Variants in FCRL5 observed in about 807,000 individuals in gnomAD.
FCRL5 encodes the protein Fc receptor like 5.
In FCRL5, 79 loss-of-function variants were observed where a neutral mutation model predicts 92.1. That is an observed-to-expected ratio of 0.86 (90% CI 0.72 to 1.03). The LOEUF (loss-of-function observed/expected upper bound fraction) is 1.03. Ranked by LOEUF, FCRL5 falls within the 50% of genes least tolerant of loss-of-function variation. FCRL5 has a pLI of 0.00. For synonymous variants in FCRL5, 466 were observed against 469.3 expected (o/e 0.99, Z 0.09); for missense variants, 1,160 against 1,181.1 (o/e 0.98, Z 0.26).
intron 11 of FCRL5, among the ~76,000 whole-genome samples, 189 bp from the exon 12 acceptor site, chr1:157,520,736 G>T (rs940021525): frequency 6.6e-6 from 1 of 152,252 alleles, no homozygotes; most frequent in African/African-American, 2.4e-5. Flanking sequence ...CCTGAGACAA[G>T]TGTCCAGGGT....
intron 7 of FCRL5, among the ~76,000 whole-genome samples, chr1:157,537,962 A>G (rs979920930): frequency 7.9e-5 from 12 of 152,208 alleles, no homozygotes; most frequent in Non-Finnish European, 1.3e-4. Flanking sequence ...TGCATTTGCT[A>G]TTAGCCCCTG....
chr1:157,533,320 A>G (rs1650782495), intron 8 of FCRL5: 1 of 152,172 alleles, frequency 6.6e-6, no homozygotes, highest in African/African-American at 2.4e-5. Flanking sequence ...TGATTTCCAT[A>G]TTATAATTTT....
At chr1:157,547,631 T>C (rs1651620744) in intron 2 of FCRL5, among the ~76,000 whole-genome samples, 1 of 152,214 alleles carries the variant, frequency 6.6e-6, no homozygotes. Context: ...CCTTGAGAGC[T>C]CAACTTACCT....
chr1:157,517,369 C>T (rs754299324), intron 15 of FCRL5, among the ~76,000 whole-genome samples: 1 of 152,174 alleles, frequency 6.6e-6, no homozygotes, highest in Non-Finnish European at 1.5e-5. Flanking sequence ...TTGCTGCAAC[C>T]TGTGACTATA....
In FCRL5 at chr1:157,518,692, G is replaced by C. The variant is rs1171637447; in HGVS notation, c.2743+8C>G. 2 of 1,608,296 alleles carry C rather than the reference G, an allele frequency of 1.2e-6. No individual in the cohort carries two copies. The highest frequency in any genetic ancestry group is 1.7e-6 in the Non-Finnish European group (2 of 1,177,774). On this transcript the variant is annotated splice_region_variant and intron_variant, in intron 14 of 16. Transcript: ENST00000361835. ...GCTTCTGCCAAATGCAGGATCCTCG[G>C]GCCTCACCATTAGTGTACACTGGTT...
chr1:157,549,537 G>T, intron 2 of FCRL5, 23 bp downstream of exon 2: 1 of 1,608,068 alleles, frequency 6.2e-7, no homozygotes, highest in South Asian at 1.1e-5. Context: ...AGACGCTGAA[G>T]AGCCAAAGAC....
chr1:157,550,665 T>A (rs1464330051), intron 1 of FCRL5, among the ~76,000 whole-genome samples: 1 of 152,216 alleles, frequency 6.6e-6, no homozygotes, highest in African/African-American at 2.4e-5. Context: ...CCAGGACCTA[T>A]AACGGTGAAT....
chr1:157,544,698 C>A lies in FCRL5; in HGVS notation c.559+133G>T, dbSNP rs958023208. The A allele has an allele frequency of 4.2e-6, 6 of 1,427,296 alleles. No homozygotes were observed. The Admixed American group carries it at 9.8e-5, about 23-fold the overall frequency. 88.4% of individuals were successfully genotyped at this position (1,427,296 alleles called of 1,614,324 possible). ...TTCAGCCCAAAACACTACTATACTT[C>A]CTCTGCTCCTTGCAGGAATGTGTCC... On this transcript the variant is annotated intron_variant, in intron 4 of 16. Transcript: ENST00000361835.
chr1:157,524,664 T>C (rs1650354279), intron 9 of FCRL5, 107 bp from the exon 10 acceptor site: 1 of 1,248,112 alleles, frequency 8.0e-7, no homozygotes, highest in Non-Finnish European at 1.1e-6. Context: ...TTAATGCCCT[T>C]GTGACATTAC....
In FCRL5 at chr1:157,515,884, A is replaced by G. The variant is rs1351024518; in HGVS notation, c.2813-11T>C. 5 of 1,613,542 alleles carry G rather than the reference A, an allele frequency of 3.1e-6. No homozygotes were observed. In the Admixed American group the frequency reaches 8.3e-5, roughly 27 times the overall value. ...TGGGGTCAGAGGCCACTGTGGAAAG[A>G]GGAAAGTGTTCAGTTGTGGAAGACT... is the stretch of plus-strand genomic sequence containing the variant. On this transcript the variant is annotated splice_polypyrimidine_tract_variant and intron_variant, in intron 15 of 16. Coordinates refer to ENST00000361835, the MANE Select transcript of FCRL5 (RefSeq NM_031281.3).
chr1:157,536,324 A>G (rs1650969797), intron 7 of FCRL5, among the ~76,000 whole-genome samples: 1 of 152,060 alleles, frequency 6.6e-6, no homozygotes, highest in South Asian at 2.1e-4. Flanking sequence ...AACATGTTCT[A>G]CCCTTGGTGA....
chr1:157,515,756 A>C lies in FCRL5; in HGVS notation c.2853T>G (p.Pro951=). ...DPRHLRNKGS[P]IIYSEVKVAS... ...CCACCTTAACTTCAGAGTAGATGAT[A>C]GGGGAACCCTAGGAGGCAAGAGCAC... Residue 951 remains proline (P), a synonymous_variant, in exon 17 of 17, where the codon CCT becomes CCG. Coordinates refer to ENST00000361835, the MANE Select transcript of FCRL5 (RefSeq NM_031281.3). The C allele has an allele frequency of 1.3e-6, 2 of 1,585,984 alleles. No individual in the cohort carries two copies. The highest frequency in any genetic ancestry group is 1.7e-6 in the Non-Finnish European group (2 of 1,163,908).
At position 157,531,791 on chromosome 1, in the gene FCRL5, C is replaced by T. The variant is rs560945226; in HGVS notation, c.1681+2823G>A. Among the ~76,000 whole-genome samples, 9 of 152,050 alleles carry T rather than the reference C, an allele frequency of 5.9e-5. No homozygotes were observed. In the South Asian group the frequency reaches 1.0e-3, roughly 18 times the overall value. ...AAATACAAAGTTGATACTATAGAAG[C>T]AGAGAATAGAACTGTGGTTATCAGA... On this transcript the variant is annotated intron_variant, in intron 8 of 16. Coordinates refer to ENST00000361835, the MANE Select transcript of FCRL5 (RefSeq NM_031281.3).
intron 8 of FCRL5, chr1:157,534,332 A>C (rs1558134322): frequency 5.6e-6 from 4 of 708,962 alleles, no homozygotes; most frequent in Admixed American, 4.0e-5. Flanking sequence ...TCCGTGCATC[A>C]AGAAAAATTG....
intron 7 of FCRL5, among the ~76,000 whole-genome samples, chr1:157,536,098 C>T (rs1318448881): frequency 6.6e-6 from 1 of 152,022 alleles, no homozygotes; most frequent in Non-Finnish European, 1.5e-5. Context: ...ACCGCCACCA[C>T]ACCTGGCTAA....
intron 8 of FCRL5, among the ~76,000 whole-genome samples, chr1:157,529,009 C>T (rs1402917027): frequency 2.6e-5 from 4 of 152,168 alleles, no homozygotes; most frequent in Admixed American, 6.5e-5. Context: ...AAATAATCAG[C>T]AGAGTAAACA....
At chr1:157,518,871 G>C (rs547777677) in intron 13 of FCRL5, 89 bp from the exon 14 acceptor site, 23 of 1,052,258 alleles carry the variant, frequency 2.2e-5, no homozygotes, top group African/African-American at 8.0e-5. Context: ...CTTACTGCAG[G>C]GTGGCTGCCA....
chr1:157,534,126 A>T (rs757326261), intron 8 of FCRL5: 2 of 331,300 alleles, frequency 6.0e-6, no homozygotes, highest in Non-Finnish European at 1.2e-5. Flanking sequence ...AAAACAAGGG[A>T]TCATAAAAAC....
chr1:157,515,509 C>T lies in FCRL5; in HGVS notation c.*166G>A, dbSNP rs1571068320. The stretch of plus-strand genomic sequence containing the variant: ...TTTAACTGGGAAACAGGTGACAGTC[C>T]AGCAGGGCCCTGCATTCTGGTCAGA... On this transcript the variant is annotated 3_prime_UTR_variant, in exon 17 of 17. Coordinates refer to ENST00000361835, the MANE Select transcript of FCRL5 (RefSeq NM_031281.3). The T allele has an allele frequency of 6.8e-7, 1 of 1,467,914 alleles. No individual in the cohort carries two copies. Among genetic ancestry groups the T allele is most frequent in the East Asian group, 2.3e-5 (1 of 43,724 alleles). The allele number at this position is 1,467,914 out of a possible 1,614,324, so 90.9% of individuals were successfully genotyped here.
Sources: gnomAD v4.1 joint callset for allele counts (sites outside exome capture counted in the v4.1 genomes callset) on GRCh38, gnomAD v4.1.1 for gene constraint, MANE v1.5 for transcripts, NCBI Gene and HGNC (gene_info 2026-07-23, HGNC 2026-07-21) for gene names.